The following GRM8 variants were observed in gnomAD, a reference collection of about 807,000 sequenced individuals.
GRM8 encodes metabotropic glutamate receptor 8.
In GRM8, 47 loss-of-function variants were observed where a neutral mutation model predicts 87.2. The ratio of observed to expected loss-of-function variants is 0.54; its 90% CI spans 0.43 to 0.69. The LOEUF is 0.69. Ranked by LOEUF, GRM8 falls within the 30% of genes least tolerant of loss-of-function variation. GRM8 has a pLI of 0.00. For missense variants in GRM8, 1,019 were observed against 1,139.2 expected, an observed-to-expected ratio of 0.89 and a Z score of 1.52; for synonymous variants, 396 against 404.5, an observed-to-expected ratio of 0.98 and a Z score of 0.25.
At chr7:126,444,637 G>A (rs1801813107) in intron 10 of GRM8, among the ~76,000 whole-genome samples, 1 of 152,070 alleles carries the variant, frequency 6.6e-6, no homozygotes, top group African/African-American at 2.4e-5. Flanking sequence ...ATAGTTCTGT[G>A]TATGGTAAAT....
chr7:126,492,018 C>A (rs1220554607), intron 9 of GRM8, among the ~76,000 whole-genome samples: 1 of 151,962 alleles, frequency 6.6e-6, no homozygotes, highest in African/African-American at 2.4e-5. Context: ...TTCCCACAAG[C>A]CTTAAAAATT....
Position 126,699,619 on chromosome 7 carries a change from A to G in GRM8, c.1357+70246T>C, listed in dbSNP as rs192613781. Among the ~76,000 whole-genome samples, 380 of 152,102 alleles carry G rather than the reference A, an allele frequency of 2.5e-3. 3 individuals are homozygous for G. The highest frequency in any genetic ancestry group is 4.3e-3 in the Non-Finnish European group (294 of 67,958). ...CTATTACATTTTGATTTTGACTTTT[A>G]TGTTTCTGCATCTTTACTTTTCTCC... is the stretch of plus-strand genomic sequence containing the variant. On this transcript the variant is annotated intron_variant, in intron 7 of 10. Transcript: ENST00000339582.
intron 9 of GRM8, among the ~76,000 whole-genome samples, chr7:126,472,100 G>A (rs1584732313): frequency 6.6e-6 from 1 of 152,060 alleles, no homozygotes; most frequent in South Asian, 2.1e-4. Flanking sequence ...GAGACAATGG[G>A]GTTTTCTAGA....
chr7:126,854,385 C>T lies in GRM8; in HGVS notation c.1156+48157G>A, dbSNP rs568220776. On this transcript the variant is annotated intron_variant, in intron 6 of 10. Transcript: ENST00000339582. The stretch of plus-strand genomic sequence containing the variant: ...ATGGCTTTATCTTTCCCAGCTCTTA[C>T]TTTCACTTGGATGGTTTAATCTAGT... Among the ~76,000 whole-genome samples the T allele has an allele frequency of 3.9e-5, 6 of 152,282 alleles. 1 individual carries two copies. In the South Asian group the frequency reaches 1.2e-3, roughly 32 times the overall value.
At position 127,206,006 on chromosome 7, in the gene GRM8, G is replaced by C. The variant is rs192673945; in HGVS notation, c.510+36689C>G. The stretch of plus-strand genomic sequence containing the variant: ...AGAGCCACAGTCCACCTTGGACTCC[G>C]TTAGGAAGCCCTGCCAGGTATAGAT... On this transcript the variant is annotated intron_variant, in intron 2 of 10. Transcript: ENST00000339582. 3.3e-5 allele frequency among the ~76,000 whole-genome samples: 5 copies of C among 152,304 alleles called. No individual in the cohort carries two copies. In the East Asian group the frequency reaches 5.8e-4, roughly 18 times the overall value.
intron 2 of GRM8, among the ~76,000 whole-genome samples, chr7:127,107,109 T>C (rs1051310220): frequency 8.5e-5 from 13 of 152,202 alleles, no homozygotes; most frequent in Non-Finnish European, 1.9e-4. Context: ...GAAACTGGCT[T>C]TGGCTTTATA....
At chr7:126,782,540 A>G (rs1197936712) in intron 6 of GRM8, among the ~76,000 whole-genome samples, 1 of 152,256 alleles carries the variant, frequency 6.6e-6, no homozygotes, top group African/African-American at 2.4e-5. Context: ...AAATAAATGA[A>G]TAACAAGAAA....
chr7:126,644,129 C>G (rs1049968339), intron 7 of GRM8, among the ~76,000 whole-genome samples: 2 of 152,128 alleles, frequency 1.3e-5, no homozygotes, highest in African/African-American at 2.4e-5. Flanking sequence ...TGTTGTGATT[C>G]CAAAATTTGT....
chr7:127,062,065 A>G (rs996783308), intron 3 of GRM8, among the ~76,000 whole-genome samples: 34 of 151,098 alleles, frequency 2.3e-4, no homozygotes, highest in Non-Finnish European at 4.4e-4. Flanking sequence ...AATTGCTTGA[A>G]CCCAGGAGGC....
intron 6 of GRM8, among the ~76,000 whole-genome samples, chr7:126,811,249 C>T (rs1481931528): frequency 6.6e-6 from 1 of 151,940 alleles, no homozygotes; most frequent in African/African-American, 2.4e-5. Context: ...ATACTGGTAC[C>T]ATGCCGTTTT....
intron 2 of GRM8, among the ~76,000 whole-genome samples, chr7:127,135,844 T>G (rs183110134): frequency 1.3e-5 from 2 of 152,132 alleles, no homozygotes; most frequent in Non-Finnish European, 2.9e-5. Flanking sequence ...ATCTTAACTA[T>G]TATTATTTCA....
chr7:127,133,360 G>T (rs904932739), intron 2 of GRM8, among the ~76,000 whole-genome samples: 1 of 151,224 alleles, frequency 6.6e-6, no homozygotes, highest in Admixed American at 6.6e-5. Flanking sequence ...AGAGGTTGCA[G>T]TGAGCTGAGG....
At chr7:126,636,021 G>A (rs955377897) in intron 7 of GRM8, among the ~76,000 whole-genome samples, 1 of 151,954 alleles carries the variant, frequency 6.6e-6, no homozygotes, top group Non-Finnish European at 1.5e-5. Flanking sequence ...CAATTCATAA[G>A]GGGATGTTTT....
intron 8 of GRM8, among the ~76,000 whole-genome samples, chr7:126,584,854 CAT>C: frequency 6.6e-6 from 1 of 151,788 alleles, no homozygotes; most frequent in Admixed American, 6.6e-5. Context: ...AAAAAAAAAT[CAT>C]AGTCATTTTG....
chr7:126,924,000 G>C (rs1804821419), intron 3 of GRM8, among the ~76,000 whole-genome samples: 1 of 152,100 alleles, frequency 6.6e-6, no homozygotes, highest in African/African-American at 2.4e-5. Context: ...AGACACTGAG[G>C]CTCTGGAATT....
chr7:126,929,541 C>A (rs1805516950), intron 3 of GRM8, among the ~76,000 whole-genome samples: 1 of 152,140 alleles, frequency 6.6e-6, no homozygotes. Context: ...TCAAGCGATT[C>A]TCCTGCCTCA....
At chr7:126,695,132 A>G (rs1012204881) in intron 7 of GRM8, among the ~76,000 whole-genome samples, 1 of 152,214 alleles carries the variant, frequency 6.6e-6, no homozygotes, top group Non-Finnish European at 1.5e-5. Flanking sequence ...TGAGATGCCT[A>G]TATTCGAGAA....
chr7:127,149,552 C>G (rs1440814260), intron 2 of GRM8, among the ~76,000 whole-genome samples: 1 of 152,060 alleles, frequency 6.6e-6, no homozygotes, highest in Non-Finnish European at 1.5e-5. Context: ...CTAACAATCC[C>G]TCTTCTGGGC....
At chr7:127,009,509 T>A (rs942440931) in intron 3 of GRM8, among the ~76,000 whole-genome samples, 1 of 152,082 alleles carries the variant, frequency 6.6e-6, no homozygotes. Flanking sequence ...TGGTACCTCA[T>A]AGAAAACCTC....
Sources: allele counts gnomAD v4.1 joint callset (sites outside exome capture counted in the v4.1 genomes callset), GRCh38; gene constraint gnomAD v4.1.1; transcripts MANE v1.5; gene names NCBI Gene and HGNC (gene_info 2026-07-23, HGNC 2026-07-21).